STK32B: variants seen among roughly 807,000 people sequenced by gnomAD.
The protein encoded by STK32B is serine/threonine kinase 32B, also known as serine/threonine-protein kinase 32B.
Under a neutral mutation model 52.6 loss-of-function variants are expected in STK32B, and 43 were observed. The observed-to-expected ratio is 0.82, with a 90% CI of 0.64 to 1.05. The LOEUF (loss-of-function observed/expected upper bound fraction) is 1.05. STK32B is among the 50% of genes least tolerant of loss of function. The pLI, the probability that STK32B is intolerant of heterozygous loss-of-function variation, is 0.00. For synonymous variants in STK32B, 238 were observed against 204.3 expected (o/e 1.17, Z -1.41); for missense variants, 621 against 534.6 (o/e 1.16, Z -1.59).
intron 4 of STK32B, among the ~76,000 whole-genome samples, chr4:5,377,152 C>G (rs527601458): frequency 2.2e-4 from 33 of 152,186 alleles, no homozygotes; most frequent in Non-Finnish European, 3.8e-4. Flanking sequence ...AGTCATTGGA[C>G]TTTTATATGG....
intron 2 of STK32B, among the ~76,000 whole-genome samples, chr4:5,162,106 G>A (rs1438781472): frequency 2.0e-5 from 3 of 152,080 alleles, no homozygotes; most frequent in Admixed American, 2.0e-4. Flanking sequence ...AAGGATCCTC[G>A]AGACTTTGCA....
intron 11 of STK32B, among the ~76,000 whole-genome samples, chr4:5,475,888 TTTTG>T (rs1395750324): frequency 1.3e-5 from 2 of 151,984 alleles, no homozygotes; most frequent in South Asian, 2.1e-4. Context: ...ACCACAATCT[TTTTG>T]TTTGTTTTTT....
chr4:5,326,391 A>G (rs973819658), intron 3 of STK32B, among the ~76,000 whole-genome samples: 3 of 151,936 alleles, frequency 2.0e-5, no homozygotes, highest in African/African-American at 7.3e-5. Context: ...TAAAAAAAAT[A>G]AAAACAGTCA....
intron 4 of STK32B, among the ~76,000 whole-genome samples, chr4:5,368,877 A>AG (rs1735046671): frequency 6.6e-6 from 1 of 152,118 alleles, no homozygotes; most frequent in African/African-American, 2.4e-5. Flanking sequence ...GCTGGGGCAG[A>AG]GGAGGGGTTG....
intron 1 of STK32B, among the ~76,000 whole-genome samples, chr4:5,117,736 A>C (rs1034596991): frequency 2.1e-4 from 32 of 152,148 alleles, no homozygotes; most frequent in African/African-American, 7.2e-4. Context: ...AAGGACTGAA[A>C]TCTAAAATTG....
At chr4:5,247,032 G>C (rs1725505470) in intron 3 of STK32B, among the ~76,000 whole-genome samples, 1 of 152,224 alleles carries the variant, frequency 6.6e-6, no homozygotes. Flanking sequence ...GGACCCACTT[G>C]AGGAGGTGGT....
chr4:5,476,395 A>G (rs1718244053), intron 11 of STK32B, among the ~76,000 whole-genome samples: 1 of 152,222 alleles, frequency 6.6e-6, no homozygotes, highest in African/African-American at 2.4e-5. Flanking sequence ...TAATTACAAT[A>G]TCCAAGTGAA....
chr4:5,407,601 C>T (rs753801765), intron 5 of STK32B, among the ~76,000 whole-genome samples: 5 of 151,586 alleles, frequency 3.3e-5, no homozygotes, highest in African/African-American at 7.3e-5. Context: ...ATAATCATGG[C>T]GGAAGGTGAA....
intron 1 of STK32B, among the ~76,000 whole-genome samples, chr4:5,070,613 A>G (rs979176002): frequency 2.6e-5 from 4 of 152,318 alleles, no homozygotes; most frequent in African/African-American, 7.2e-5. Context: ...TGAAGTTGTT[A>G]GGGTGGGCCC....
chr4:5,356,940 G>A (rs964450098), intron 4 of STK32B, among the ~76,000 whole-genome samples: 1 of 152,090 alleles, frequency 6.6e-6, no homozygotes, highest in Admixed American at 6.5e-5. Context: ...AGAGGCTGCA[G>A]TGAGCCGAGA....
chr4:5,464,993 G>A (rs1717327382), intron 9 of STK32B, among the ~76,000 whole-genome samples: 1 of 152,166 alleles, frequency 6.6e-6, no homozygotes, highest in African/African-American at 2.4e-5. Flanking sequence ...GGTGATCATA[G>A]TTGAGTTCCA....
chr4:5,104,682 G>C lies in STK32B; in HGVS notation c.53-35223G>C, dbSNP rs144747732. On this transcript the variant is annotated intron_variant, in intron 1 of 11. Coordinates refer to ENST00000282908, the MANE Select transcript of STK32B (RefSeq NM_018401.3). ...ACTCAGAAGCCCCTTTCATGACTCT[G>C]TGTCTTCTTCTCTGAGGTCATTCTT... Among the ~76,000 whole-genome samples, 31 of 152,272 alleles carry C rather than the reference G, an allele frequency of 2.0e-4. No homozygotes were observed. The East Asian group carries it at 4.6e-3, about 23-fold the overall frequency.
intron 3 of STK32B, among the ~76,000 whole-genome samples, chr4:5,196,157 T>C (rs1721635036): frequency 1.3e-5 from 2 of 151,904 alleles, no homozygotes; most frequent in South Asian, 4.2e-4. Flanking sequence ...GAGGGAGTGG[T>C]GTTCTTGCTC....
At chr4:5,272,544 CT>C (rs1727515700) in intron 3 of STK32B, among the ~76,000 whole-genome samples, 3 of 151,636 alleles carry the variant, frequency 2.0e-5, no homozygotes, top group Admixed American at 2.0e-4. Flanking sequence ...AGGATTCCCT[CT>C]TTTTCTATTG....
chr4:5,139,895 T>C lies in STK32B; in HGVS notation c.53-10T>C, dbSNP rs2108831449. On this transcript the variant is annotated splice_polypyrimidine_tract_variant and intron_variant, in intron 1 of 11. Transcript: ENST00000282908. The stretch of plus-strand genomic sequence containing the variant: ...ATCTGACTTGTTTCCTTTTTTGTTT[T>C]CTTTTGCAGTCAACTTTGACCATTT... The C allele has an allele frequency of 1.2e-6, 2 of 1,614,208 alleles. No homozygotes were observed. The highest frequency in any genetic ancestry group is 1.7e-6 in the Non-Finnish European group (2 of 1,180,030).
intron 1 of STK32B, among the ~76,000 whole-genome samples, chr4:5,109,934 T>G (rs1714305503): frequency 6.6e-6 from 1 of 151,840 alleles, no homozygotes; most frequent in South Asian, 2.1e-4. Context: ...GATACAAAAT[T>G]AATGTATGAA....
chr4:5,146,019 A>AT (rs1318072004), intron 2 of STK32B, among the ~76,000 whole-genome samples: 3 of 145,490 alleles, frequency 2.1e-5, no homozygotes, highest in Admixed American at 6.8e-5. Context: ...TTTTGATTTG[A>AT]TTTTTTGTGT....
At chr4:5,336,405 T>C (rs1158365582) in intron 4 of STK32B, among the ~76,000 whole-genome samples, 2 of 152,042 alleles carry the variant, frequency 1.3e-5, no homozygotes, top group Admixed American at 1.3e-4. Flanking sequence ...TCCAGGGAAA[T>C]CTTCTAACTT....
chr4:5,448,736 G>A (rs1715704940), intron 7 of STK32B, among the ~76,000 whole-genome samples: 1 of 152,130 alleles, frequency 6.6e-6, no homozygotes, highest in African/African-American at 2.4e-5. Flanking sequence ...CCAGGCCTTT[G>A]GCATGGAGAC....
Sources: allele counts gnomAD v4.1 joint callset (sites outside exome capture counted in the v4.1 genomes callset), GRCh38; gene constraint gnomAD v4.1.1; transcripts MANE v1.5; gene names NCBI Gene and HGNC (gene_info 2026-07-23, HGNC 2026-07-21).